The following ADGRB3 variants were observed in gnomAD, a reference collection of about 807,000 sequenced individuals.
ADGRB3 encodes the protein brain-specific angiogenesis inhibitor 3.
A neutral mutation model predicts 193.4 loss-of-function variants in ADGRB3; 37 were observed. The ratio of observed to expected loss-of-function variants is 0.19; its 90% CI spans 0.15 to 0.25. The LOEUF is 0.25. Ranked by LOEUF, ADGRB3 falls within the 10% of genes least tolerant of loss-of-function variation. The probability of loss-of-function intolerance (pLI) is 1.00; values close to 1 mark genes in which losing one functional copy is unlikely to be tolerated. For synonymous variants in ADGRB3, 690 were observed against 644.2 expected (o/e 1.07, Z -1.08); for missense variants, 1,637 against 1,852.9 (o/e 0.88, Z 2.14).
At chr6:69,132,456 A>G (rs1406049385) in intron 17 of ADGRB3, among the ~76,000 whole-genome samples, 1 of 152,060 alleles carries the variant, frequency 6.6e-6, no homozygotes, top group Non-Finnish European at 1.5e-5. Context: ...TTTTTCATCC[A>G]CTTTTTGATG....
At chr6:68,655,769 C>A (rs1768477326) in intron 3 of ADGRB3, among the ~76,000 whole-genome samples, 1 of 151,456 alleles carries the variant, frequency 6.6e-6, no homozygotes, top group African/African-American at 2.4e-5. Flanking sequence ...GATTGTTTGA[C>A]AAAGGGTGAT....
intron 17 of ADGRB3, among the ~76,000 whole-genome samples, chr6:69,217,182 A>G (rs753730083): frequency 6.6e-6 from 1 of 152,152 alleles, no homozygotes; most frequent in Non-Finnish European, 1.5e-5. Context: ...AGAGTCGTAA[A>G]TAAAGGTGAA....
At chr6:69,371,510 TTTAA>T (rs1384448004) in intron 29 of ADGRB3, among the ~76,000 whole-genome samples, 5 of 152,124 alleles carry the variant, frequency 3.3e-5, no homozygotes, top group Non-Finnish European at 7.4e-5. Flanking sequence ...TATTACATGC[TTTAA>T]TTGTTTGTTA....
intron 17 of ADGRB3, among the ~76,000 whole-genome samples, chr6:69,131,572 T>C (rs1224380916): frequency 2.6e-5 from 4 of 152,096 alleles, no homozygotes; most frequent in African/African-American, 9.7e-5. Context: ...CTATATACTA[T>C]AAAATGAGCT....
chr6:68,787,350 G>T (rs1003809548), intron 3 of ADGRB3, among the ~76,000 whole-genome samples: 1 of 152,148 alleles, frequency 6.6e-6, no homozygotes, highest in Non-Finnish European at 1.5e-5. Context: ...TTGATTGAGG[G>T]TTTTTAGCAT....
At chr6:68,706,703 G>A (rs1765330887) in intron 3 of ADGRB3, among the ~76,000 whole-genome samples, 1 of 152,168 alleles carries the variant, frequency 6.6e-6, no homozygotes, top group Non-Finnish European at 1.5e-5. Flanking sequence ...ATAAGTTTGG[G>A]ACTTAATGAG....
chr6:68,646,646 A>G (rs955753043), intron 3 of ADGRB3, among the ~76,000 whole-genome samples: 3 of 152,086 alleles, frequency 2.0e-5, no homozygotes, highest in Admixed American at 6.6e-5. Flanking sequence ...TTGTGTATAC[A>G]GGACTGGAGA....
At chr6:69,178,262 T>G (rs2150350402) in intron 17 of ADGRB3, among the ~76,000 whole-genome samples, 1 of 152,338 alleles carries the variant, frequency 6.6e-6, no homozygotes, top group East Asian at 1.9e-4. Context: ...CCCTGCTTCT[T>G]CTTTGTGTTC....
chr6:69,232,235 A>C (rs1418851997), intron 17 of ADGRB3, among the ~76,000 whole-genome samples: 1 of 152,032 alleles, frequency 6.6e-6, no homozygotes, highest in Non-Finnish European at 1.5e-5. Flanking sequence ...AACACGTGTA[A>C]TGATAATAAA....
intron 23 of ADGRB3, among the ~76,000 whole-genome samples, chr6:69,330,983 G>T (rs1254758015): frequency 1.3e-5 from 2 of 152,052 alleles, no homozygotes; most frequent in Non-Finnish European, 2.9e-5. Flanking sequence ...AATATCTAAA[G>T]GAAATATATT....
intron 3 of ADGRB3, among the ~76,000 whole-genome samples, chr6:68,826,769 A>C (rs145907108): frequency 0.01 from 1,598 of 152,290 alleles, 26 homozygotes; most frequent in African/African-American, 0.036. Flanking sequence ...TTTAAGGTAA[A>C]GAATACAGGA....
chr6:69,067,067 G>A (rs979807098), intron 16 of ADGRB3, among the ~76,000 whole-genome samples: 1 of 152,090 alleles, frequency 6.6e-6, no homozygotes, highest in Non-Finnish European at 1.5e-5. Context: ...GCCTGAAAAT[G>A]CATACTTTTT....
At chr6:68,770,341 A>C (rs190421004) in intron 3 of ADGRB3, among the ~76,000 whole-genome samples, 1 of 152,252 alleles carries the variant, frequency 6.6e-6, no homozygotes, top group South Asian at 2.1e-4. Context: ...GTCACTTTGC[A>C]CATTATTTGT....
At chr6:68,850,018 G>A (rs1359862968) in intron 3 of ADGRB3, among the ~76,000 whole-genome samples, 3 of 151,752 alleles carry the variant, frequency 2.0e-5, no homozygotes, top group Non-Finnish European at 4.4e-5. Context: ...TTTAAAATAT[G>A]TGTAATAGTG....
intron 20 of ADGRB3, among the ~76,000 whole-genome samples, chr6:69,315,054 T>G (rs184900973): frequency 6.6e-6 from 1 of 151,674 alleles, no homozygotes; most frequent in Admixed American, 6.6e-5. Flanking sequence ...GGCTCATGAT[T>G]TAATATAATT....
At chr6:68,787,022 T>C (rs957862782) in intron 3 of ADGRB3, among the ~76,000 whole-genome samples, 10 of 152,226 alleles carry the variant, frequency 6.6e-5, no homozygotes, top group Non-Finnish European at 1.3e-4. Context: ...GAGACTTTGC[T>C]GAAGTTCTTA....
intron 16 of ADGRB3, among the ~76,000 whole-genome samples, chr6:69,065,614 C>A (rs1187013252): frequency 4.0e-5 from 6 of 151,802 alleles, no homozygotes; most frequent in Admixed American, 1.3e-4. Flanking sequence ...AAGATATATT[C>A]TATGTACTGA....
At chr6:69,137,811 A>G (rs1774199167) in intron 17 of ADGRB3, among the ~76,000 whole-genome samples, 2 of 152,154 alleles carry the variant, frequency 1.3e-5, no homozygotes. Flanking sequence ...ACAAGAAAAA[A>G]AGAATTAGCC....
chr6:69,008,263 C>T (rs888940683), intron 11 of ADGRB3, among the ~76,000 whole-genome samples: 1 of 152,048 alleles, frequency 6.6e-6, no homozygotes, highest in African/African-American at 2.4e-5. Context: ...GGGAAGTAAC[C>T]CTCATATGTC....
Sources: allele counts gnomAD v4.1 joint callset (sites outside exome capture counted in the v4.1 genomes callset), GRCh38; gene constraint gnomAD v4.1.1; transcripts MANE v1.5; gene names NCBI Gene and HGNC (gene_info 2026-07-23, HGNC 2026-07-21).